HTR2C: variants seen among roughly 807,000 people sequenced by gnomAD.
The protein encoded by HTR2C is 5-hydroxytryptamine (serotonin) receptor 2C, G protein-coupled.
A neutral mutation model predicts 21.0 loss-of-function variants in HTR2C; 5 were observed. The ratio of observed to expected loss-of-function variants is 0.24; its 90% confidence interval spans 0.12 to 0.50. The LOEUF (loss-of-function observed/expected upper bound fraction) is 0.50, where lower values mean the gene tolerates loss of function less well. Among genes scored for constraint, HTR2C ranks in the 20% least tolerant of loss-of-function variants. HTR2C has a pLI of 0.98. For missense variants in HTR2C, 271 were observed against 371.2 expected, an observed-to-expected ratio of 0.73 and a Z score of 2.22; for synonymous variants, 150 against 145.3, an observed-to-expected ratio of 1.03 and a Z score of -0.23.
chrX:114,802,196 G>A (rs1330018239), intron 4 of HTR2C, among the ~76,000 whole-genome samples: 4 of 110,960 alleles, frequency 3.6e-5, no homozygotes, highest in African/African-American at 1.3e-4. Context: ...TAGAATTATG[G>A]GAGCCATTTA....
intron 4 of HTR2C, among the ~76,000 whole-genome samples, chrX:114,795,599 C>T (rs2070284421): frequency 9.0e-6 from 1 of 111,447 alleles, no homozygotes; most frequent in African/African-American, 3.3e-5. Context: ...CCAGTTTTCC[C>T]AGCACCATTT....
At chrX:114,720,323 G>A (rs1239162938) in intron 2 of HTR2C, among the ~76,000 whole-genome samples, 1 of 110,733 alleles carries the variant, frequency 9.0e-6, no homozygotes, top group Admixed American at 9.7e-5. Context: ...ATAAATGAGA[G>A]CTAAGGGATG....
Position 114,731,301 on chromosome X carries a change from C to T in HTR2C, c.43C>T (p.Leu15=), listed in dbSNP as rs782483805. 15 of 1,180,022 alleles carry T rather than the reference C, an allele frequency of 1.3e-5. No individual in the cohort carries two copies. In the African/African-American group the frequency reaches 1.8e-4, roughly 14 times the overall value. Residue 15 remains leucine (L), a synonymous_variant, in exon 4 of 6, where the codon CTA becomes TTA. Transcript: ENST00000276198. ...TTTTTTCTTAATTTTCAGTGTGCAC[C>T]TAATTGGCCTATTGGTTTGGCAATC... ...RNAVHSFLVH[L]IGLLVWQSDI...
chrX:114,833,865 G>A lies in HTR2C; in HGVS notation c.350-14138G>A, dbSNP rs782707114. ...TGCTATAAGTTTCCCTCTACATACT[G>A]CTTTGAATGCATCCCAGAGATTCTG... On this transcript the variant is annotated intron_variant, in intron 4 of 5. Coordinates refer to ENST00000276198, the MANE Select transcript of HTR2C (RefSeq NM_000868.4). 2.5e-3 allele frequency among the ~76,000 whole-genome samples: 276 copies of A among 109,144 alleles called. 1 individual carries two copies. Among genetic ancestry groups the A allele is most frequent in the African/African-American group, 8.7e-3 (263 of 30,103 alleles). The allele number at this position is 109,144 out of a possible 115,157, so 94.8% of individuals were successfully genotyped here. A position where few individuals can be genotyped will look rare whatever the true frequency, so the allele number is the denominator to read the frequency against.
intron 4 of HTR2C, among the ~76,000 whole-genome samples, chrX:114,737,308 C>T (rs188719837): frequency 0.019 from 2,068 of 106,865 alleles, 66 homozygotes; most frequent in African/African-American, 0.068. Flanking sequence ...CTCACTGCAA[C>T]TTTCGCCTCC....
intron 4 of HTR2C, among the ~76,000 whole-genome samples, chrX:114,804,026 T>C (rs372811875): frequency 1.8e-5 from 2 of 111,859 alleles, no homozygotes; most frequent in East Asian, 5.6e-4. Context: ...TCCTTCGTTT[T>C]AAGGAGTTGT....
Position 114,848,138 on chromosome X carries a change from A to G in HTR2C, c.485A>G (p.His162Arg). 1.7e-6 allele frequency: 2 copies of G among 1,211,442 alleles called. No individual in the cohort carries two copies. Among genetic ancestry groups the G allele is most frequent in the Non-Finnish European group, 2.2e-6 (2 of 895,022 alleles). ...RYVAIRNPIE[H>R]SRFNSRTKAI... The stretch of plus-strand genomic sequence containing the variant: ...GTAGCAATACGTAATCCTATTGAGC[A>G]TAGCCGTTTCAATTCGCGGACTAAG... Residue 162 changes from histidine (H) to arginine (R), a missense_variant, in exon 5 of 6, where the codon CAT becomes CGT. Physicochemically the swap from His to Arg is conservative, Grantham distance 29. Around this residue, in one of 5 missense-constraint regions of HTR2C, gnomAD observed 192 missense variants for 247.2 expected, o/e 0.78. Transcript: ENST00000276198.
intron 4 of HTR2C, among the ~76,000 whole-genome samples, chrX:114,761,888 T>TATACATATATATGTATATATAC (rs2069872948): frequency 8.1e-5 from 1 of 12,283 alleles, no homozygotes; most frequent in African/African-American, 1.3e-4. Flanking sequence ...TATATATATA[T>TATACATATATATGTATATATAC]GTGTATATAT....
intron 4 of HTR2C, among the ~76,000 whole-genome samples, chrX:114,845,777 A>G (rs983182592): frequency 5.5e-5 from 6 of 109,329 alleles, no homozygotes; most frequent in Non-Finnish European, 1.1e-4. Flanking sequence ...TGGGAGGCCA[A>G]GGTGGGAGGA....
At chrX:114,805,729 A>T (rs1303784676) in intron 4 of HTR2C, among the ~76,000 whole-genome samples, 1 of 28,888 alleles carries the variant, frequency 3.5e-5, no homozygotes, top group Admixed American at 5.1e-4. Flanking sequence ...CCATATATAC[A>T]CCATATATAC....
chrX:114,667,091 T>C (rs1157105287), intron 2 of HTR2C, among the ~76,000 whole-genome samples: 1 of 111,469 alleles, frequency 9.0e-6, no homozygotes, highest in African/African-American at 3.2e-5. Context: ...GAGGGAAACA[T>C]AATATCACAT....
At chrX:114,826,320 C>A (rs1386448009) in intron 4 of HTR2C, among the ~76,000 whole-genome samples, 1 of 110,916 alleles carries the variant, frequency 9.0e-6, no homozygotes, top group African/African-American at 3.3e-5. Flanking sequence ...CCCACCTCAG[C>A]CTCCCAAAGT....
chrX:114,683,727 A>G (rs1931824302), intron 2 of HTR2C, among the ~76,000 whole-genome samples: 1 of 111,513 alleles, frequency 9.0e-6, no homozygotes, highest in Admixed American at 9.5e-5. Context: ...CCCTGGAGGC[A>G]GAGGTTGCTG....
chrX:114,875,918 A>T (rs1444303091), intron 5 of HTR2C, among the ~76,000 whole-genome samples: 9 of 105,738 alleles, frequency 8.5e-5, no homozygotes, highest in Non-Finnish European at 1.4e-4. Context: ...AAATTGTAGG[A>T]TTAGTTTTTT....
chrX:114,756,589 A>G (rs1476041246), intron 4 of HTR2C, among the ~76,000 whole-genome samples: 2 of 112,239 alleles, frequency 1.8e-5, no homozygotes, highest in Non-Finnish European at 3.8e-5. Flanking sequence ...CCAAAACATG[A>G]CATGCTGTAT....
rs191684403 is a variant in HTR2C at position 114,880,917 on chromosome X, T to A, written c.551-25672T>A. On this transcript the variant is annotated intron_variant, in intron 5 of 5. Coordinates refer to ENST00000276198, the MANE Select transcript of HTR2C (RefSeq NM_000868.4). ...GATTTTGTTTAAATACTTGTTTTAATTCTCTTGGGTATATAACTAGAGAAT... is the reference window on the plus strand; with the variant it reads ...GATTTTGTTTAAATACTTGTTTTAAATCTCTTGGGTATATAACTAGAGAAT... 5.1e-3 allele frequency among the ~76,000 whole-genome samples: 574 copies of A among 111,472 alleles called. 3 individuals are homozygous for A. Among genetic ancestry groups the A allele is most frequent in the Middle Eastern group, 0.019 (4 of 216 alleles).
chrX:114,679,453 ATT>A (rs1931677843), intron 2 of HTR2C, among the ~76,000 whole-genome samples: 1 of 109,327 alleles, frequency 9.1e-6, no homozygotes, highest in African/African-American at 3.3e-5. Context: ...TAATTGTTGT[ATT>A]TTTAGTAGAG....
chrX:114,630,859 G>A (rs1361240443), intron 2 of HTR2C: 5 of 371,034 alleles, frequency 1.3e-5, no homozygotes, highest in Admixed American at 7.7e-5. Context: ...CGGTGCAAAA[G>A]CAAATCCCTC....
intron 2 of HTR2C, among the ~76,000 whole-genome samples, chrX:114,615,161 T>A (rs868923172): frequency 8.1e-5 from 9 of 111,319 alleles, no homozygotes; most frequent in Middle Eastern, 4.3e-3. Flanking sequence ...TTAATAATGA[T>A]CAAAAATAAA....
Sources: gnomAD v4.1 joint callset for allele counts (sites outside exome capture counted in the v4.1 genomes callset) on GRCh38, gnomAD v4.1.1 for gene constraint, gnomAD v4.1.1 regional missense constraint, MANE v1.5 for transcripts, NCBI Gene and HGNC (gene_info 2026-07-23, HGNC 2026-07-21) for gene names.